EMX1: variants seen among roughly 807,000 people sequenced by gnomAD.
EMX1 encodes the protein empty spiracles homeobox 1, also known as homeobox protein EMX1.
EMX1 carries 10 observed loss-of-function variants against 20.1 expected under a neutral mutation model. That is an observed-to-expected ratio of 0.50 (90% CI 0.31 to 0.84). EMX1 has a LOEUF of 0.84. Among genes scored for constraint, EMX1 ranks in the 40% least tolerant of loss-of-function variants. The pLI is 0.05. For synonymous variants in EMX1, 250 were observed against 200.4 expected, an observed-to-expected ratio of 1.25 and a Z score of -2.09; for missense variants, 424 against 431.9, an observed-to-expected ratio of 0.98 and a Z score of 0.16.
upstream of EMX1, among the ~76,000 whole-genome samples, chr2:72,917,263 G>A (rs1451751140): frequency 1.3e-5 from 2 of 150,562 alleles, no homozygotes; most frequent in Non-Finnish European, 3.0e-5. Context: ...AAGCCCTTCG[G>A]ACGCCTTCTT....
intron 1 of EMX1, 38 bp from the exon 2 acceptor site, chr2:72,924,271 T>G: frequency 6.5e-7 from 1 of 1,548,680 alleles, no homozygotes; most frequent in Non-Finnish European, 8.7e-7. Context: ...TCTCTCTGTC[T>G]GTACCTGCGT....
intron 1 of EMX1, among the ~76,000 whole-genome samples, chr2:72,918,929 G>C (rs1228785054): frequency 6.6e-6 from 1 of 152,194 alleles, no homozygotes; most frequent in East Asian, 1.9e-4. Flanking sequence ...GATGTTTCTC[G>C]GCAACCTTGG....
At chr2:72,920,328 C>T (rs996438051) in intron 1 of EMX1, among the ~76,000 whole-genome samples, 1 of 152,232 alleles carries the variant, frequency 6.6e-6, no homozygotes, top group African/African-American at 2.4e-5. Context: ...GTAGCACAAA[C>T]AGTTGGATTT....
In EMX1 at chr2:72,918,064, C is replaced by T; in HGVS notation, c.212C>T (p.Ala71Val). Residue 71 changes from alanine (A) to valine (V), a missense_variant, in exon 1 of 3, where the codon GCG becomes GTG. Physicochemically the swap from Ala to Val is moderately conservative, Grantham distance 64. Around this residue, in one of 2 missense-constraint regions of EMX1, gnomAD observed 333 missense variants for 296.6 expected, o/e 1.12. Transcript: ENST00000258106. ...GGGAGSHLLAAAASEEPLRPT... is the reference protein window; with the variant it reads ...GGGAGSHLLAVAASEEPLRPT... ...GGCGCGGGCTCCCATCTCCTGGCGG[C>T]GGCCGCCTCCGAGGAACCGCTCCGG... 2 of 1,415,728 alleles carry T rather than the reference C, an allele frequency of 1.4e-6. No homozygotes were observed. Among genetic ancestry groups the T allele is most frequent in the Admixed American group, 3.2e-5 (1 of 31,376 alleles). The allele number at this position is 1,415,728 out of a possible 1,614,324, so 87.7% of individuals were successfully genotyped here.
intron 2 of EMX1, among the ~76,000 whole-genome samples, chr2:72,931,337 T>G (rs1438705798): frequency 6.6e-6 from 1 of 152,200 alleles, no homozygotes; most frequent in Non-Finnish European, 1.5e-5. Context: ...TGAAGGACAC[T>G]TGGAAATGCA....
chr2:72,929,786 T>C (rs1671255213), intron 2 of EMX1, among the ~76,000 whole-genome samples: 2 of 152,244 alleles, frequency 1.3e-5, no homozygotes, highest in Admixed American at 6.5e-5. Context: ...TGTTAGTTCA[T>C]TTTTCCCTTT....
In EMX1 at chr2:72,933,989, T is replaced by C; in HGVS notation, c.*35T>C. 2 of 1,612,828 alleles carry C rather than the reference T, an allele frequency of 1.2e-6. No individual in the cohort carries two copies. The highest frequency in any genetic ancestry group is 1.7e-6 in the Non-Finnish European group (2 of 1,179,272). ...CCACAAACCCACGAGGGCAGAGTGC[T>C]GCTTGCTGCTGGCCAGGCCCCTGCG... On this transcript the variant is annotated 3_prime_UTR_variant, in exon 3 of 3. Coordinates refer to ENST00000258106, the MANE Select transcript of EMX1 (RefSeq NM_004097.3).
intron 2 of EMX1, among the ~76,000 whole-genome samples, chr2:72,932,457 C>T (rs765365626): frequency 2.0e-4 from 31 of 152,192 alleles, no homozygotes; most frequent in Admixed American, 1.6e-3. Context: ...CTCCTGCCAA[C>T]GCTGAAGATG....
At position 72,917,889 on chromosome 2, in the gene EMX1, G is replaced by A; in HGVS notation, c.37G>A (p.Ala13Thr). ...TGGGTGCACACCCCGCAAGGCGGCG[G>A]CGCCAGGACGCGGAGCGCTCCCCAG... is the stretch of plus-strand genomic sequence containing the variant. ...LAGCTPRKAAAPGRGALPRAR... is the reference protein window; with the variant it reads ...LAGCTPRKAATPGRGALPRAR... Residue 13 changes from alanine (A) to threonine (T), a missense_variant, in exon 1 of 3, where the codon GCG (alanine) becomes ACG (threonine). Physicochemically the swap from Ala to Thr is moderately conservative, Grantham distance 58 (BLOSUM62 0). Transcript: ENST00000258106. 6.8e-7 allele frequency: 1 copy of A among 1,479,948 alleles called. No individual in the cohort carries two copies. The highest frequency in any genetic ancestry group is 8.9e-7 in the Non-Finnish European group (1 of 1,122,864). 91.7% of individuals were successfully genotyped at this position (1,479,948 alleles called of 1,614,324 possible). A position where few individuals can be genotyped will look rare whatever the true frequency, so the allele number is the denominator to read the frequency against.
rs765270448 is a variant in EMX1 at position 72,924,198 on chromosome 2, GCAGGGCGCTTGGGAGCAGGGCGCGAGGC to G, written c.521-106_521-79del. The G allele has an allele frequency of 3.0e-6, 4 of 1,345,360 alleles. No homozygotes were observed. The East Asian group carries it at 7.5e-5, about 25-fold the overall frequency. The allele number at this position is 1,345,360 out of a possible 1,614,324, so 83.3% of individuals were successfully genotyped here. On this transcript the variant is annotated intron_variant, in intron 1 of 2. Transcript: ENST00000258106. Reference sequence around the variant, plus strand: ...GTGTGCGTGTCAAGGAATGGAGAGGGCAGGGCGCTTGGGAGCAGGGCGCGAGGCCAGGCTCTGTTGGGCCCCGGCTCAC... The same window carrying G: ...GTGTGCGTGTCAAGGAATGGAGAGGGCAGGCTCTGTTGGGCCCCGGCTCAC...
chr2:72,932,654 A>G (rs1671303405), intron 2 of EMX1, among the ~76,000 whole-genome samples: 1 of 152,080 alleles, frequency 6.6e-6, no homozygotes, highest in Non-Finnish European at 1.5e-5. Context: ...ATGCTGGAGG[A>G]GGAGGGAAAA....
chr2:72,927,277 A>C (rs145983096), intron 2 of EMX1, among the ~76,000 whole-genome samples: 4 of 152,330 alleles, frequency 2.6e-5, no homozygotes, highest in Non-Finnish European at 5.9e-5. Context: ...GCAACTGACA[A>C]ACAGTATATT....
At chr2:72,923,534 G>C (rs929773465) in intron 1 of EMX1, 1 of 152,314 alleles carries the variant, frequency 6.6e-6, no homozygotes, top group African/African-American at 2.4e-5. Context: ...GACCGCCAAG[G>C]CCTGGGGGAG....
rs1328325753 is a variant in EMX1, at chr2:72,930,039, A to G, written c.706-3748A>G. 6.6e-6 allele frequency among the ~76,000 whole-genome samples: 1 copy of G among 152,218 alleles called. No individual in the cohort carries two copies. The highest frequency in any genetic ancestry group is 1.5e-5 in the Non-Finnish European group (1 of 68,034). On this transcript the variant is annotated intron_variant, in intron 2 of 2. Coordinates refer to ENST00000258106, the MANE Select transcript of EMX1 (RefSeq NM_004097.3). The surrounding 1 kb of genome is among the most constrained non-coding windows in gnomAD (Gnocchi z 4.4). The stretch of plus-strand genomic sequence containing the variant: ...AAGTGTCCACAAAACTAAGAAAAAG[A>G]TCCAGTTTCTCCATCATTGAGCACT...
chr2:72,933,931 A>G lies in EMX1; in HGVS notation c.850A>G (p.Ile284Val). ...CACGAAGCAGGCCAATGGGGAGGAC[A>G]TCGATGTCACCTCCAATGACTAGGG... ...IATKQANGED[I>V]DVTSND The change falls in exon 3 of 3, where the codon ATC (isoleucine) becomes GTC (valine). Residue 284 changes from isoleucine (I) to valine (V), a missense_variant. Ile to Val is a conservative substitution (Grantham distance 29). Coordinates refer to ENST00000258106, the MANE Select transcript of EMX1 (RefSeq NM_004097.3). The G allele has an allele frequency of 1.2e-6, 2 of 1,614,252 alleles. No individual in the cohort carries two copies. Among genetic ancestry groups the G allele is most frequent in the African/African-American group, 1.3e-5 (1 of 75,078 alleles).
chr2:72,917,275 G>T (rs548003489), upstream of EMX1, among the ~76,000 whole-genome samples: 1 of 132,540 alleles, frequency 7.5e-6, no homozygotes, highest in South Asian at 2.7e-4. Context: ...CGCCTTCTTC[G>T]GCTCCCGCGT....
intron 2 of EMX1, among the ~76,000 whole-genome samples, chr2:72,926,803 G>A (rs1671208049): frequency 6.6e-6 from 1 of 152,138 alleles, no homozygotes; most frequent in African/African-American, 2.4e-5. Context: ...TTAGTCCAGC[G>A]TTCTTCCTCC....
At chr2:72,921,794 A>C (rs139661144) in intron 1 of EMX1, among the ~76,000 whole-genome samples, 1 of 152,186 alleles carries the variant, frequency 6.6e-6, no homozygotes, top group Non-Finnish European at 1.5e-5. Context: ...CCATTTTCTC[A>C]GTAAGGTAGA....
intron 1 of EMX1, chr2:72,923,946 A>T (rs868672599): frequency 2.7e-6 from 1 of 370,540 alleles, no homozygotes; most frequent in Middle Eastern, 8.1e-4. Flanking sequence ...AAAGAGCGCC[A>T]TGGACTTTTC....
Sources: gnomAD v4.1 joint callset for allele counts (sites outside exome capture counted in the v4.1 genomes callset) on GRCh38, gnomAD v4.1.1 for gene constraint, gnomAD v4.1.1 regional missense constraint, Gnocchi (gnomAD v3.1) non-coding constraint, MANE v1.5 for transcripts, NCBI Gene and HGNC (gene_info 2026-07-23, HGNC 2026-07-21) for gene names.